The following NAV3 variants were observed in gnomAD, a reference collection of about 807,000 sequenced individuals.
NAV3 encodes the protein pore membrane and/or filament interacting like protein 1.
Under a neutral mutation model 244.7 loss-of-function variants are expected in NAV3, and 87 were observed. That is an observed-to-expected ratio of 0.36 (90% CI 0.30 to 0.42). The LOEUF (loss-of-function observed/expected upper bound fraction) is 0.42. Ranked by LOEUF, NAV3 falls within the 20% of genes least tolerant of loss-of-function variation. The probability of loss-of-function intolerance (pLI) is 1.00; values close to 1 mark genes in which losing one functional copy is unlikely to be tolerated. For missense variants in NAV3, 2,663 were observed against 2,893.3 expected (o/e 0.92, Z 1.83); for synonymous variants, 1,126 against 1,042.2 (o/e 1.08, Z -1.55).
At chr12:78,114,858 A>G (rs1004057293) in intron 12 of NAV3, among the ~76,000 whole-genome samples, 1 of 152,228 alleles carries the variant, frequency 6.6e-6, no homozygotes, top group African/African-American at 2.4e-5. Flanking sequence ...GTTCTTGATA[A>G]TCTGAATTAT....
intron 1 of NAV3, among the ~76,000 whole-genome samples, chr12:77,854,124 A>T (rs991548396): frequency 6.6e-5 from 10 of 152,216 alleles, no homozygotes; most frequent in African/African-American, 2.4e-4. Flanking sequence ...CAGATGCCTT[A>T]TCATCATGGT....
At chr12:77,897,237 A>C (rs1884730645) in intron 1 of NAV3, among the ~76,000 whole-genome samples, 1 of 152,120 alleles carries the variant, frequency 6.6e-6, no homozygotes. Flanking sequence ...TCCACTGTTG[A>C]CTATATCGTG....
At chr12:77,951,956 A>G (rs1890932370) in intron 3 of NAV3, among the ~76,000 whole-genome samples, 1 of 152,002 alleles carries the variant, frequency 6.6e-6, no homozygotes, top group African/African-American at 2.4e-5. Flanking sequence ...ATCAGGAGAT[A>G]CACCTCATGT....
chr12:77,609,733 T>A (rs1365983066), intron 2 of NAV3, among the ~76,000 whole-genome samples: 2 of 152,024 alleles, frequency 1.3e-5, no homozygotes, highest in Non-Finnish European at 2.9e-5. Flanking sequence ...TGACAAGTTG[T>A]AATCATCTTT....
chr12:77,667,864 C>A (rs1229331898), intron 2 of NAV3, among the ~76,000 whole-genome samples: 2 of 152,128 alleles, frequency 1.3e-5, no homozygotes, highest in Non-Finnish European at 2.9e-5. Flanking sequence ...GTGCACTAAA[C>A]AGAAATACAA....
chr12:78,066,404 A>G (rs1045660545), intron 12 of NAV3, among the ~76,000 whole-genome samples: 1 of 152,164 alleles, frequency 6.6e-6, no homozygotes, highest in African/African-American at 2.4e-5. Flanking sequence ...GTAGAATGAT[A>G]ATAGAAGTCA....
At chr12:77,784,857 G>A (rs940178320) in intron 2 of NAV3, among the ~76,000 whole-genome samples, 36 of 152,164 alleles carry the variant, frequency 2.4e-4, no homozygotes, top group African/African-American at 6.3e-4. Flanking sequence ...ATAGGTAAGA[G>A]TCAGTAGTAG....
chr12:77,945,130 A>AAT (rs1555237113), intron 3 of NAV3, among the ~76,000 whole-genome samples: 35 of 151,820 alleles, frequency 2.3e-4, no homozygotes, highest in Admixed American at 9.8e-4. Context: ...AGAAAAAAAA[A>AAT]AAATAAATAG....
intron 37 of NAV3, 91 bp downstream of exon 37, chr12:78,199,622 A>G (rs979355815): frequency 1.2e-5 from 11 of 916,202 alleles, no homozygotes; most frequent in Non-Finnish European, 1.7e-5. Context: ...TAACAAGCAA[A>G]GCTAATGCTT....
intron 35 of NAV3, among the ~76,000 whole-genome samples, chr12:78,197,746 C>A (rs1057045128): frequency 2.0e-5 from 3 of 151,868 alleles, no homozygotes; most frequent in African/African-American, 7.2e-5. Context: ...CATTCAACAA[C>A]CATATCCCAG....
At chr12:78,118,580 A>G (rs189721853) in intron 14 of NAV3, among the ~76,000 whole-genome samples, 2 of 152,316 alleles carry the variant, frequency 1.3e-5, no homozygotes, top group East Asian at 1.9e-4. Flanking sequence ...GGGAAATAAG[A>G]TTAGGTTGCT....
At chr12:77,858,888 G>C (rs1472941800) in intron 1 of NAV3, among the ~76,000 whole-genome samples, 1 of 152,092 alleles carries the variant, frequency 6.6e-6, no homozygotes, top group Non-Finnish European at 1.5e-5. Flanking sequence ...GTGCTTAGCA[G>C]AGAAGTTGCC....
chr12:77,811,559 T>C (rs1872289020), intron 2 of NAV3, among the ~76,000 whole-genome samples: 1 of 152,206 alleles, frequency 6.6e-6, no homozygotes. Flanking sequence ...TCCACATTTG[T>C]CAGAAGGGGC....
At chr12:78,102,341 T>G (rs767496980) in intron 12 of NAV3, among the ~76,000 whole-genome samples, 3 of 152,244 alleles carry the variant, frequency 2.0e-5, no homozygotes, top group Non-Finnish European at 4.4e-5. Context: ...TTTGACTCCA[T>G]GTCTCACATC....
At chr12:77,722,662 C>G (rs760845453) in intron 2 of NAV3, among the ~76,000 whole-genome samples, 16 of 151,952 alleles carry the variant, frequency 1.1e-4, no homozygotes, top group Non-Finnish European at 2.1e-4. Context: ...TCTTTGGAGT[C>G]TTTTGAAGAG....
At chr12:78,099,581 A>T (rs1019391919) in intron 12 of NAV3, among the ~76,000 whole-genome samples, 3 of 151,864 alleles carry the variant, frequency 2.0e-5, no homozygotes, top group African/African-American at 7.2e-5. Context: ...TGAATCCTGG[A>T]GTTAACTTTC....
intron 1 of NAV3, among the ~76,000 whole-genome samples, chr12:77,850,788 G>T (rs1877393823): frequency 6.6e-6 from 1 of 151,482 alleles, no homozygotes; most frequent in Non-Finnish European, 1.5e-5. Context: ...GGAGAAAAAA[G>T]TCTCTGGTTT....
intron 12 of NAV3, among the ~76,000 whole-genome samples, chr12:78,113,673 C>T (rs1486418145): frequency 6.6e-6 from 1 of 152,160 alleles, no homozygotes; most frequent in Admixed American, 6.5e-5. Flanking sequence ...CCCTCCTAGG[C>T]TTCTGGGCCT....
intron 2 of NAV3, among the ~76,000 whole-genome samples, chr12:77,812,715 A>C (rs950092952): frequency 1.3e-5 from 2 of 152,178 alleles, no homozygotes; most frequent in African/African-American, 4.8e-5. Flanking sequence ...AGTGAGAGCC[A>C]CTGCACCTGG....
Sources: allele counts gnomAD v4.1 joint callset (sites outside exome capture counted in the v4.1 genomes callset), GRCh38; gene constraint gnomAD v4.1.1; transcripts MANE v1.5; gene names NCBI Gene and HGNC (gene_info 2026-07-23, HGNC 2026-07-21).